The following RGS22 variants were observed in gnomAD, a reference collection of about 807,000 sequenced individuals.
The protein encoded by RGS22 is regulator of G protein signaling 22, also known as regulator of G-protein signaling 22.
In RGS22, 148 loss-of-function variants were observed where a neutral mutation model predicts 172.9. The observed-to-expected ratio is 0.86, with a 90% CI of 0.75 to 0.98. The LOEUF (loss-of-function observed/expected upper bound fraction) is 0.98. Ranked by LOEUF, RGS22 falls within the 50% of genes least tolerant of loss-of-function variation. RGS22 has a pLI of 0.00. For missense variants in RGS22, 1,347 were observed against 1,440.8 expected (o/e 0.93, Z 1.05); for synonymous variants, 458 against 480.2 (o/e 0.95, Z 0.60).
chr8:99,968,912 C>G (rs1443365435), intron 23 of RGS22, among the ~76,000 whole-genome samples: 6 of 151,904 alleles, frequency 3.9e-5, no homozygotes, highest in Non-Finnish European at 5.9e-5. Context: ...AAGAGCAACC[C>G]CAAGATACAT....
At chr8:99,963,690 A>T (rs1810437250) in intron 24 of RGS22, among the ~76,000 whole-genome samples, 1 of 152,222 alleles carries the variant, frequency 6.6e-6, no homozygotes, top group South Asian at 2.1e-4. Flanking sequence ...GCTATAGTAT[A>T]CTTAGGTAAT....
intron 13 of RGS22, among the ~76,000 whole-genome samples, chr8:100,039,708 T>C: frequency 6.8e-6 from 1 of 147,210 alleles, no homozygotes; most frequent in South Asian, 2.1e-4. Flanking sequence ...GTAAGACTGA[T>C]TTTTTTTTTT....
intron 11 of RGS22, 141 bp downstream of exon 11, chr8:100,047,322 G>A: frequency 1.6e-6 from 1 of 620,652 alleles, no homozygotes; most frequent in Non-Finnish European, 2.5e-6. Flanking sequence ...CAAAGTATAA[G>A]CCTCTAATAC....
Position 100,063,913 on chromosome 8 carries a change from A to G in RGS22, c.855T>C (p.Thr285=), listed in dbSNP as rs1369564039. 1.9e-6 allele frequency: 3 copies of G among 1,603,072 alleles called. No individual in the cohort carries two copies. The highest frequency in any genetic ancestry group is 2.6e-6 in the Non-Finnish European group (3 of 1,174,626). ...EEEVSVSLQD[T]PSQALLRVYL... ...ATACTCTCAGAAGAGCTTGAGAAGG[A>G]GTGTCTTGTAGAGATACAGACACCT... The change falls in exon 8 of 28, where the codon ACT becomes ACC. Residue 285 remains threonine (T), a synonymous_variant. Transcript: ENST00000360863.
intron 12 of RGS22, 124 bp from the exon 13 acceptor site, chr8:100,040,211 G>T: frequency 1.2e-6 from 1 of 822,200 alleles, no homozygotes; most frequent in Non-Finnish European, 1.9e-6. Context: ...TTTTATTTTT[G>T]TACCATATAT....
chr8:100,105,862 G>A, intron 1 of RGS22, 35 bp downstream of exon 1: 4 of 1,500,200 alleles, frequency 2.7e-6, no homozygotes, highest in Non-Finnish European at 3.6e-6. Context: ...CGACGCCGCG[G>A]GCTGATCCTC....
At chr8:100,081,194 G>A (rs1228981705) in intron 3 of RGS22, among the ~76,000 whole-genome samples, 1 of 151,932 alleles carries the variant, frequency 6.6e-6, no homozygotes, top group Non-Finnish European at 1.5e-5. Flanking sequence ...TAGGCGAGTG[G>A]TAGAAGAAAT....
chr8:99,984,321 A>T (rs1016451031), intron 21 of RGS22, among the ~76,000 whole-genome samples: 4 of 152,184 alleles, frequency 2.6e-5, no homozygotes, highest in African/African-American at 9.6e-5. Flanking sequence ...CCTATTTTAT[A>T]TTATTCAATT....
intron 4 of RGS22, among the ~76,000 whole-genome samples, chr8:100,076,445 G>A (rs1811353021): frequency 6.6e-6 from 1 of 152,092 alleles, no homozygotes; most frequent in Non-Finnish European, 1.5e-5. Flanking sequence ...CCTTCATTTA[G>A]TTTTGGCATC....
intron 9 of RGS22, among the ~76,000 whole-genome samples, chr8:100,058,758 C>G (rs1294398686): frequency 6.6e-6 from 1 of 152,142 alleles, no homozygotes; most frequent in East Asian, 1.9e-4. Flanking sequence ...GGGAGTATTT[C>G]AATCAGAAAG....
At chr8:100,066,040 G>T in intron 7 of RGS22, 127 bp downstream of exon 7, 1 of 720,224 alleles carries the variant, frequency 1.4e-6, no homozygotes. Flanking sequence ...ATAGGAAGTC[G>T]AGTGAGGCAA....
chr8:99,990,898 G>A (rs1292203220), intron 20 of RGS22, among the ~76,000 whole-genome samples: 5 of 152,264 alleles, frequency 3.3e-5, no homozygotes, highest in South Asian at 2.1e-4. Context: ...CCTCTGGGAC[G>A]AAGCTTCCAG....
At chr8:100,036,364 G>A (rs1189267409) in intron 14 of RGS22, among the ~76,000 whole-genome samples, 1 of 152,110 alleles carries the variant, frequency 6.6e-6, no homozygotes, top group Non-Finnish European at 1.5e-5. Flanking sequence ...AATCTTCAGG[G>A]TGTACCCAAG....
intron 9 of RGS22, among the ~76,000 whole-genome samples, chr8:100,053,399 G>A (rs769476153): frequency 2.3e-5 from 3 of 128,094 alleles, no homozygotes; most frequent in Non-Finnish European, 3.1e-5. Flanking sequence ...TCCAGCCTGG[G>A]CGACAAGAGC....
chr8:100,073,974 G>A (rs1811166756), intron 4 of RGS22, among the ~76,000 whole-genome samples: 1 of 152,026 alleles, frequency 6.6e-6, no homozygotes, highest in South Asian at 2.1e-4. Flanking sequence ...AAACATACAA[G>A]ACAATCCTGA....
intron 15 of RGS22, among the ~76,000 whole-genome samples, chr8:100,007,700 T>C (rs1815873225): frequency 6.6e-6 from 1 of 151,884 alleles, no homozygotes; most frequent in Non-Finnish European, 1.5e-5. Flanking sequence ...AACTCAGATT[T>C]CTCTACTCTG....
intron 6 of RGS22, among the ~76,000 whole-genome samples, chr8:100,071,048 G>T (rs554456011): frequency 7.2e-5 from 11 of 151,924 alleles, no homozygotes; most frequent in Admixed American, 6.6e-5. Context: ...TTTGGGAGGC[G>T]GAGGTGAGTG....
Position 99,986,020 on chromosome 8 carries a change from AT to A in RGS22, c.3180+1437del, listed in dbSNP as rs200226464. 1.0e-4 allele frequency among the ~76,000 whole-genome samples: 15 copies of A among 149,568 alleles called. No homozygotes were observed. The South Asian group carries it at 1.7e-3, about 17-fold the overall frequency. On this transcript the variant is annotated intron_variant, in intron 21 of 27. Coordinates refer to ENST00000360863, the MANE Select transcript of RGS22 (RefSeq NM_015668.5). ...AAGATTGTGAAAAAACTTCTCTCAA[AT>A]TTTTTTTTTACCAGCCTGGGCATCA...
chr8:100,054,162 T>C (rs903490669), intron 9 of RGS22, among the ~76,000 whole-genome samples: 4 of 152,198 alleles, frequency 2.6e-5, no homozygotes, highest in African/African-American at 9.7e-5. Context: ...TAACACTTTA[T>C]TGGATATAGG....
Sources: gnomAD v4.1 joint callset for allele counts (sites outside exome capture counted in the v4.1 genomes callset) on GRCh38, gnomAD v4.1.1 for gene constraint, MANE v1.5 for transcripts, NCBI Gene and HGNC (gene_info 2026-07-23, HGNC 2026-07-21) for gene names.